The following C1QTNF7 variants were observed in gnomAD, a reference collection of about 807,000 sequenced individuals.
C1QTNF7 encodes the protein complement C1q tumor necrosis factor-related protein 7.
A neutral mutation model predicts 19.6 loss-of-function variants in C1QTNF7; 15 were observed. The observed-to-expected ratio is 0.76, with a 90% CI of 0.51 to 1.18. The LOEUF (loss-of-function observed/expected upper bound fraction) is 1.18. Ranked by LOEUF, C1QTNF7 falls within the 50% of genes most tolerant of loss-of-function variation. C1QTNF7 has a pLI of 0.00. For synonymous variants in C1QTNF7, 142 were observed against 137.5 expected, an observed-to-expected ratio of 1.03 and a Z score of -0.23; for missense variants, 324 against 359.7, an observed-to-expected ratio of 0.90 and a Z score of 0.80.
At chr4:15,401,145 C>T (rs1211784635) in intron 1 of C1QTNF7, among the ~76,000 whole-genome samples, 5 of 151,954 alleles carry the variant, frequency 3.3e-5, no homozygotes, top group Admixed American at 3.3e-4. Flanking sequence ...TGCACAATAG[C>T]GAGGGGGAAG....
At chr4:15,344,289 T>C (rs549849918) in intron 1 of C1QTNF7, among the ~76,000 whole-genome samples, 1 of 152,296 alleles carries the variant, frequency 6.6e-6, no homozygotes, top group African/African-American at 2.4e-5. Flanking sequence ...AACAAGAAAG[T>C]AACGTGATGA....
chr4:15,381,108 G>C (rs993244321), intron 1 of C1QTNF7, among the ~76,000 whole-genome samples: 7 of 151,446 alleles, frequency 4.6e-5, no homozygotes, highest in African/African-American at 1.7e-4. Flanking sequence ...TTTACTAGCT[G>C]TATCTCTTTT....
Position 15,443,820 on chromosome 4 carries a change from C to T in C1QTNF7, c.*1021C>T, listed in dbSNP as rs192535876. 3.3e-5 allele frequency: 5 copies of T among 152,316 alleles called. No homozygotes were observed. Among genetic ancestry groups the T allele is most frequent in the South Asian group, 2.1e-4 (1 of 4,824 alleles). The allele number at this position is 152,316 out of a possible 1,614,324, so 9.4% of individuals were successfully genotyped here. A position where few individuals can be genotyped will look rare whatever the true frequency, so the allele number is the denominator to read the frequency against. On this transcript the variant is annotated 3_prime_UTR_variant, in exon 3 of 3. Transcript: ENST00000444304. ...CTAATAGCTTTCTCATAAATATGGG[C>T]ACCACTTTACATTGTGGTAAGACAT...
intron 1 of C1QTNF7, among the ~76,000 whole-genome samples, chr4:15,421,106 A>T (rs1441278746): frequency 6.6e-6 from 1 of 152,066 alleles, no homozygotes; most frequent in African/African-American, 2.4e-5. Context: ...GCAATAAACA[A>T]AGTAGAGAAC....
At chr4:15,379,440 A>G (rs1460235453) in intron 1 of C1QTNF7, among the ~76,000 whole-genome samples, 1 of 152,224 alleles carries the variant, frequency 6.6e-6, no homozygotes, top group African/African-American at 2.4e-5. Context: ...TCTGAACCAT[A>G]ACTTCAGGGA....
At chr4:15,351,823 A>G (rs536350816) in intron 1 of C1QTNF7, among the ~76,000 whole-genome samples, 2 of 152,294 alleles carry the variant, frequency 1.3e-5, no homozygotes, top group African/African-American at 2.4e-5. Context: ...GAGGCTTTTC[A>G]GGAAAGTTGA....
At chr4:15,420,826 C>CTT (rs61609914) in intron 1 of C1QTNF7, among the ~76,000 whole-genome samples, 748 of 66,240 alleles carry the variant, frequency 0.011, 79 homozygotes, top group African/African-American at 0.019. Flanking sequence ...ACTGCTTTGT[C>CTT]TTTTTTTTTT....
intron 1 of C1QTNF7, among the ~76,000 whole-genome samples, chr4:15,390,831 C>T (rs1718528854): frequency 6.6e-6 from 1 of 152,112 alleles, no homozygotes; most frequent in African/African-American, 2.4e-5. Flanking sequence ...TAATCTTCCA[C>T]TGAATTCATG....
intron 1 of C1QTNF7, among the ~76,000 whole-genome samples, chr4:15,366,849 A>G (rs1717541899): frequency 6.6e-6 from 1 of 152,054 alleles, no homozygotes; most frequent in East Asian, 1.9e-4. Flanking sequence ...TGCATGTGTG[A>G]CTCCTGCGGG....
At chr4:15,352,755 T>C (rs1051976856) in intron 1 of C1QTNF7, among the ~76,000 whole-genome samples, 1 of 152,130 alleles carries the variant, frequency 6.6e-6, no homozygotes, top group African/African-American at 2.4e-5. Context: ...CTCAGCACTG[T>C]TCATCTCCAC....
At chr4:15,344,007 GA>G (rs909811715) in intron 1 of C1QTNF7, among the ~76,000 whole-genome samples, 6 of 152,222 alleles carry the variant, frequency 3.9e-5, no homozygotes, top group Non-Finnish European at 8.8e-5. Flanking sequence ...AGACTCCTCA[GA>G]GGAGGTAACA....
intron 1 of C1QTNF7, among the ~76,000 whole-genome samples, chr4:15,393,020 G>A (rs1018989648): frequency 3.3e-5 from 5 of 152,172 alleles, no homozygotes; most frequent in East Asian, 1.9e-4. Flanking sequence ...AAATTTCCAC[G>A]TGTTGTGGAA....
At chr4:15,392,272 A>G (rs994303912) in intron 1 of C1QTNF7, among the ~76,000 whole-genome samples, 6 of 152,152 alleles carry the variant, frequency 3.9e-5, no homozygotes, top group African/African-American at 7.2e-5. Context: ...CATCAGATCC[A>G]TGATTCACAC....
chr4:15,350,237 G>C (rs370287218), intron 1 of C1QTNF7, among the ~76,000 whole-genome samples: 25 of 9,080 alleles, frequency 2.8e-3, no homozygotes, highest in South Asian at 8.9e-3. Context: ...GAGGAAAGAA[G>C]GGAGGGAGGG....
chr4:15,436,935 T>G (rs1258735511), intron 2 of C1QTNF7, among the ~76,000 whole-genome samples: 1 of 152,228 alleles, frequency 6.6e-6, no homozygotes, highest in Non-Finnish European at 1.5e-5. Context: ...ATAATTCATT[T>G]CTGAATTTGC....
In C1QTNF7 at chr4:15,370,498, T is replaced by C. The variant is rs1263774853; in HGVS notation, c.13+30291T>C. ...TCTGCCTACAAGTGATTCTGGGAAA[T>C]GTAGTTCCAGGCTTCCAGTCTCTGT... is the stretch of plus-strand genomic sequence containing the variant. On this transcript the variant is annotated intron_variant, in intron 1 of 2. Coordinates refer to the C1QTNF7 transcript ENST00000295297. Among the ~76,000 whole-genome samples, 3 of 152,174 alleles carry C rather than the reference T, an allele frequency of 2.0e-5. No homozygotes were observed. The East Asian group carries it at 5.8e-4, about 29-fold the overall frequency.
At chr4:15,401,152 G>A (rs1030630936) in intron 1 of C1QTNF7, among the ~76,000 whole-genome samples, 1 of 152,180 alleles carries the variant, frequency 6.6e-6, no homozygotes, top group African/African-American at 2.4e-5. Context: ...TAGCGAGGGG[G>A]AAGGGAGTGG....
intron 1 of C1QTNF7, among the ~76,000 whole-genome samples, chr4:15,412,952 C>T (rs1449131105): frequency 6.6e-6 from 1 of 152,188 alleles, no homozygotes; most frequent in Non-Finnish European, 1.5e-5. Context: ...TTCACTGTCA[C>T]ACCAGCACTG....
At chr4:15,414,773 T>G (rs1341079419) in intron 1 of C1QTNF7, among the ~76,000 whole-genome samples, 5 of 152,194 alleles carry the variant, frequency 3.3e-5, no homozygotes, top group Non-Finnish European at 7.3e-5. Flanking sequence ...ACTCTGATTC[T>G]AGAGTTGTTC....
Sources: gnomAD v4.1 joint callset for allele counts (sites outside exome capture counted in the v4.1 genomes callset) on GRCh38, gnomAD v4.1.1 for gene constraint, MANE v1.5 for transcripts, NCBI Gene and HGNC (gene_info 2026-07-23, HGNC 2026-07-21) for gene names.